Variants in KCNQ2 observed in about 807,000 individuals in gnomAD.
KCNQ2 encodes the protein potassium voltage-gated channel subfamily Q member 2.
In KCNQ2, 14 loss-of-function variants were observed where a neutral mutation model predicts 84.8. The ratio of observed to expected loss-of-function variants is 0.17; its 90% CI spans 0.11 to 0.26. The LOEUF is 0.26. KCNQ2 is among the 10% of genes least tolerant of loss of function. KCNQ2 has a pLI of 1.00. For synonymous variants in KCNQ2, 599 were observed against 554.1 expected (o/e 1.08, Z -1.14); for missense variants, 788 against 1,254.0 (o/e 0.63, Z 5.61).
At chr20:63,428,783 C>T (rs1404870830) in intron 9 of KCNQ2, among the ~76,000 whole-genome samples, 1 of 152,174 alleles carries the variant, frequency 6.6e-6, no homozygotes, top group Non-Finnish European at 1.5e-5. Context: ...GCTACTCCCC[C>T]TTCTAATCCC....
chr20:63,424,300 G>C (rs7509379), intron 10 of KCNQ2, 94 bp from the exon 11 acceptor site: 2 of 1,384,922 alleles, frequency 1.4e-6, no homozygotes, highest in Non-Finnish European at 2.0e-6. Context: ...CCATGGGTCA[G>C]GGGCTGCAGG....
rs954835946 is a variant in KCNQ2, at chr20:63,445,284, G to A, written c.468C>T (p.Gly156=). The A allele has an allele frequency of 1.9e-6, 3 of 1,613,738 alleles. No individual in the cohort carries two copies. The African/African-American group carries it at 4.0e-5, about 22-fold the overall frequency. The change falls in exon 3 of 17, where the codon GGC becomes GGT. Residue 156 remains glycine (G), a synonymous_variant. Transcript: ENST00000359125. ...GGGCAAACTTGAGCCGCCCCCTCCA[G>A]CCACGGTACCGGCAGCAGCAGCCTG... ...WAAGCCCRYR[G]WRGRLKFARK... is the part of the protein sequence containing the mutation.
rs868037797 is a variant in KCNQ2, at chr20:63,439,761, G to A, written c.817-53C>T. On this transcript the variant is annotated intron_variant, in intron 5 of 16. Coordinates refer to ENST00000359125, the MANE Select transcript of KCNQ2 (RefSeq NM_172107.4). ...GAAGGGCCTGCTCACACCCCTGAGG[G>A]CAGGCTGGACGCCCGCTGGCGACTC... 2.1e-6 allele frequency: 3 copies of A among 1,409,838 alleles called. No homozygotes were observed. In the African/African-American group the frequency reaches 4.2e-5, roughly 20 times the overall value. 87.3% of individuals were successfully genotyped at this position (1,409,838 alleles called of 1,614,324 possible).
intron 11 of KCNQ2, among the ~76,000 whole-genome samples, chr20:63,421,276 C>T (rs2080463110): frequency 1.3e-5 from 2 of 151,120 alleles, no homozygotes; most frequent in African/African-American, 2.4e-5. Context: ...CGCCACCAGG[C>T]ACCTGAGACT....
chr20:63,419,744 G>T (rs12481298), intron 11 of KCNQ2, 72 bp from the exon 12 acceptor site: 2 of 1,358,772 alleles, frequency 1.5e-6, no homozygotes, highest in Admixed American at 1.9e-5. Flanking sequence ...GGAAACTGAG[G>T]CACTGCAACC....
chr20:63,421,440 T>C (rs2080467345), intron 11 of KCNQ2, among the ~76,000 whole-genome samples: 1 of 152,098 alleles, frequency 6.6e-6, no homozygotes, highest in African/African-American at 2.4e-5. Flanking sequence ...CCCCAAAGCT[T>C]TGTGGGGGAC....
chr20:63,419,575 A>G (rs775283627), intron 12 of KCNQ2, 44 bp downstream of exon 12: 1 of 1,576,168 alleles, frequency 6.3e-7, no homozygotes, highest in Non-Finnish European at 8.6e-7. Flanking sequence ...GGGGCAGAGG[A>G]GCCGTGCAGC....
chr20:63,443,424 T>TCACCAC (rs1568937835), intron 4 of KCNQ2, among the ~76,000 whole-genome samples: 4 of 36,616 alleles, frequency 1.1e-4, no homozygotes, highest in Admixed American at 2.5e-4. Flanking sequence ...ATCACCACCA[T>TCACCAC]CATCACCATC....
At chr20:63,462,129 T>A (rs1404433222) in intron 1 of KCNQ2, among the ~76,000 whole-genome samples, 1 of 106,898 alleles carries the variant, frequency 9.4e-6, no homozygotes, top group Non-Finnish European at 1.8e-5. Context: ...GGGAAGAGGC[T>A]GCACCTACCC....
intron 11 of KCNQ2, chr20:63,422,440 C>G (rs1376633767): frequency 6.5e-6 from 1 of 152,916 alleles, no homozygotes; most frequent in East Asian, 1.9e-4. Context: ...GACCCAGCAG[C>G]CCCACGTCCC....
At chr20:63,439,160 GCTGCC>G (rs971546461) in intron 6 of KCNQ2, among the ~76,000 whole-genome samples, 17 of 152,314 alleles carry the variant, frequency 1.1e-4, no homozygotes, top group Non-Finnish European at 2.2e-4. Context: ...CCGTGCACCA[GCTGCC>G]CTGCCCTGCC....
At chr20:63,469,425 C>A (rs1356235056) in intron 1 of KCNQ2, among the ~76,000 whole-genome samples, 1 of 152,242 alleles carries the variant, frequency 6.6e-6, no homozygotes, top group Non-Finnish European at 1.5e-5. Flanking sequence ...GATGAAGTCC[C>A]TCTCTAACTC....
chr20:63,456,944 G>A (rs1471873914), intron 1 of KCNQ2, among the ~76,000 whole-genome samples: 1 of 152,170 alleles, frequency 6.6e-6, no homozygotes, highest in Non-Finnish European at 1.5e-5. Context: ...GGCCGGAGTG[G>A]GCACCAGGTC....
intron 1 of KCNQ2, among the ~76,000 whole-genome samples, chr20:63,463,489 C>T (rs1268541245): frequency 6.6e-6 from 1 of 152,156 alleles, no homozygotes; most frequent in South Asian, 2.1e-4. Context: ...CACACGTGCC[C>T]TCTGCACCCT....
intron 14 of KCNQ2, 102 bp downstream of exon 14, chr20:63,413,986 G>T: frequency 1.2e-6 from 1 of 856,396 alleles, no homozygotes; most frequent in East Asian, 2.5e-5. Context: ...CTCTGTCTCT[G>T]GGCGGCTCTG....
intron 1 of KCNQ2, 30 bp downstream of exon 1, chr20:63,472,138 G>T (rs1348086745): frequency 2.1e-6 from 3 of 1,455,646 alleles, no homozygotes; most frequent in South Asian, 2.7e-5. Context: ...CGCCATGGGG[G>T]TCGCCACGGG....
chr20:63,445,062 G>A (rs1321119994), intron 3 of KCNQ2, among the ~76,000 whole-genome samples, 176 bp downstream of exon 3: 1 of 152,102 alleles, frequency 6.6e-6, no homozygotes, highest in Non-Finnish European at 1.5e-5. Flanking sequence ...CTGACATTTA[G>A]GCAGAGTTAA....
In KCNQ2 at chr20:63,445,441, C is replaced by G. The variant is rs569197465; in HGVS notation, c.388-77G>C. 458 of 1,552,090 alleles carry G rather than the reference C, an allele frequency of 3.0e-4. 2 individuals carry two copies. Among genetic ancestry groups the G allele is most frequent in the Non-Finnish European group, 1.8e-5 (21 of 1,135,184 alleles). The stretch of plus-strand genomic sequence containing the variant: ...GGCCCAGCCTGGACACCCACAGGAG[C>G]AGTTCTGGCCCAGGGACCAAGCCAC... On this transcript the variant is annotated intron_variant, in intron 2 of 16. Coordinates refer to ENST00000359125, the MANE Select transcript of KCNQ2 (RefSeq NM_172107.4).
chr20:63,461,588 T>G (rs898821163), intron 1 of KCNQ2, among the ~76,000 whole-genome samples: 4 of 151,878 alleles, frequency 2.6e-5, no homozygotes, highest in Non-Finnish European at 4.4e-5. Context: ...CCGGCCCTCC[T>G]CCCCCATCCC....
Sources: gnomAD v4.1 joint callset for allele counts (sites outside exome capture counted in the v4.1 genomes callset) on GRCh38, gnomAD v4.1.1 for gene constraint, MANE v1.5 for transcripts, NCBI Gene and HGNC (gene_info 2026-07-23, HGNC 2026-07-21) for gene names.